The following APBA1 variants were observed in gnomAD, a reference collection of about 807,000 sequenced individuals.
APBA1 encodes amyloid beta precursor protein binding family A member 1, also known as amyloid-beta A4 precursor protein-binding family A member 1.
Under a neutral mutation model 86.6 loss-of-function variants are expected in APBA1, and 55 were observed. That is an observed-to-expected ratio of 0.64 (90% CI 0.51 to 0.80). The LOEUF (loss-of-function observed/expected upper bound fraction) is 0.80. Ranked by LOEUF, APBA1 falls within the 30% of genes least tolerant of loss-of-function variation. The pLI is 0.00. For missense variants in APBA1, 1,090 were observed against 1,183.0 expected (o/e 0.92, Z 1.15); for synonymous variants, 511 against 493.9 (o/e 1.03, Z -0.46).
chr9:69,497,101 CTCT>C (rs1295061912), intron 2 of APBA1, among the ~76,000 whole-genome samples: 2 of 152,048 alleles, frequency 1.3e-5, no homozygotes, highest in African/African-American at 2.4e-5. Context: ...CTTTCTCTGG[CTCT>C]TCTGTTTTTA....
intron 8 of APBA1, among the ~76,000 whole-genome samples, chr9:69,452,880 C>T (rs1040414497): frequency 9.2e-5 from 14 of 152,260 alleles, no homozygotes; most frequent in African/African-American, 3.4e-4. Context: ...CGATAAATCA[C>T]ATCCCTATCA....
intron 10 of APBA1, 103 bp from the exon 11 acceptor site, chr9:69,441,218 C>T (rs868729488): frequency 2.1e-6 from 3 of 1,405,486 alleles, no homozygotes; most frequent in Non-Finnish European, 1.9e-6. Flanking sequence ...CTGAGTCTTC[C>T]GAAGGACCCA....
intron 6 of APBA1, among the ~76,000 whole-genome samples, chr9:69,457,464 T>C (rs1490956911): frequency 6.6e-6 from 1 of 152,168 alleles, no homozygotes; most frequent in African/African-American, 2.4e-5. Flanking sequence ...GCCCAACAGA[T>C]TGAAGAAATA....
At chr9:69,510,082 A>G (rs1836006004) in intron 2 of APBA1, among the ~76,000 whole-genome samples, 1 of 109,336 alleles carries the variant, frequency 9.1e-6, no homozygotes, top group Non-Finnish European at 1.8e-5. Flanking sequence ...GCAATTAGGC[A>G]GGAGAAGGAA....
intron 6 of APBA1, 129 bp from the exon 7 acceptor site, chr9:69,457,268 T>C: frequency 1.5e-6 from 1 of 670,400 alleles, no homozygotes; most frequent in Non-Finnish European, 2.7e-6. Context: ...GACTCTAGGG[T>C]TAAACTGCCA....
chr9:69,467,353 A>G (rs906003487), intron 5 of APBA1, among the ~76,000 whole-genome samples: 1 of 152,200 alleles, frequency 6.6e-6, no homozygotes, highest in African/African-American at 2.4e-5. Context: ...GTTAGATTTG[A>G]TCAAAGGGTT....
At chr9:69,550,979 AATAC>A (rs890112497) in intron 1 of APBA1, among the ~76,000 whole-genome samples, 67 of 152,346 alleles carry the variant, frequency 4.4e-4, no homozygotes, top group Admixed American at 2.9e-3. Flanking sequence ...ATATACATAA[AATAC>A]ATACATTATA....
rs532685306 is a variant in APBA1, at chr9:69,596,614, C to A, written c.-70+75539G>T. Among the ~76,000 whole-genome samples, 5 of 152,304 alleles carry A rather than the reference C, an allele frequency of 3.3e-5. No homozygotes were observed. The South Asian group carries it at 1.0e-3, about 32-fold the overall frequency. ...CATGTTATTAATAGAAAGAAGGGTGCACATCATCCTTTAAGAAGACACCCC... is the reference window on the plus strand; with the variant it reads ...CATGTTATTAATAGAAAGAAGGGTGAACATCATCCTTTAAGAAGACACCCC... On this transcript the variant is annotated intron_variant, in intron 1 of 12. Transcript: ENST00000265381.
intron 2 of APBA1, among the ~76,000 whole-genome samples, chr9:69,514,351 G>A (rs543049614): frequency 7.2e-5 from 11 of 152,262 alleles, no homozygotes; most frequent in African/African-American, 2.6e-4. Flanking sequence ...AGCACTTTGG[G>A]AAGCCAAGGC....
chr9:69,488,460 T>C (rs1287161781), intron 2 of APBA1, among the ~76,000 whole-genome samples: 2 of 152,294 alleles, frequency 1.3e-5, no homozygotes, highest in Non-Finnish European at 2.9e-5. Context: ...GTTATATTTA[T>C]ATTTTTTAGT....
intron 10 of APBA1, among the ~76,000 whole-genome samples, chr9:69,446,890 C>T (rs187561162): frequency 7.9e-5 from 12 of 152,352 alleles, no homozygotes; most frequent in African/African-American, 2.6e-4. Context: ...GGCCCCATCC[C>T]CACCTTTACT....
intron 2 of APBA1, among the ~76,000 whole-genome samples, chr9:69,505,663 T>G (rs1835947349): frequency 6.6e-6 from 1 of 152,140 alleles, no homozygotes; most frequent in Non-Finnish European, 1.5e-5. Flanking sequence ...GAGTCTACTG[T>G]GACTCTGTTC....
chr9:69,515,608 T>G (rs1293440503), intron 2 of APBA1, among the ~76,000 whole-genome samples: 1 of 150,650 alleles, frequency 6.6e-6, no homozygotes, highest in African/African-American at 2.5e-5. Context: ...AAGTCTCTCC[T>G]TCCTCAAGCA....
chr9:69,633,415 G>A (rs1291160524), intron 1 of APBA1, among the ~76,000 whole-genome samples: 2 of 152,148 alleles, frequency 1.3e-5, no homozygotes, highest in Non-Finnish European at 2.9e-5. Context: ...TAAGCAGAAA[G>A]CAGCAGTTGA....
chr9:69,658,262 T>C (rs895704636), intron 1 of APBA1, among the ~76,000 whole-genome samples: 8 of 75,678 alleles, frequency 1.1e-4, no homozygotes, highest in South Asian at 6.4e-4. Flanking sequence ...CTTTCTTTCT[T>C]TCTTTCTTTC....
chr9:69,668,521 T>G (rs142559090), intron 1 of APBA1, among the ~76,000 whole-genome samples: 2 of 152,172 alleles, frequency 1.3e-5, no homozygotes, highest in African/African-American at 4.8e-5. Context: ...CCTTTTCCCA[T>G]GTCATTCCAT....
At chr9:69,493,128 A>C (rs1045509921) in intron 2 of APBA1, among the ~76,000 whole-genome samples, 3 of 152,040 alleles carry the variant, frequency 2.0e-5, no homozygotes, top group Admixed American at 6.5e-5. Flanking sequence ...CCTCATTTAA[A>C]ATGCAGGTTT....
In APBA1 at chr9:69,516,400, C is replaced by T. The variant is rs1292218177; in HGVS notation, c.811G>A (p.Asp271Asn). Residue 271 changes from aspartate to asparagine, a missense_variant, in exon 2 of 13, where the codon GAC becomes AAC. By Grantham distance (23) the Asp-to-Asn change is conservative (BLOSUM62 1). Coordinates refer to ENST00000265381, the MANE Select transcript of APBA1 (RefSeq NM_001163.4). The surrounding 1 kb of genome is among the most constrained non-coding windows in gnomAD (Gnocchi z 7.3). ...TGCTTCACCTCGGCCACTATCTGGT[C>T]GATGTCCTCCTCCTGCTCGTAGCTG... The part of the protein sequence containing the change: ...MDSYEQEEDI[D>N]QIVAEVKQSM... 3.7e-6 allele frequency: 6 copies of T among 1,604,292 alleles called. No homozygotes were observed. Among genetic ancestry groups the T allele is most frequent in the East Asian group, 2.2e-5 (1 of 44,680 alleles).
intron 1 of APBA1, among the ~76,000 whole-genome samples, chr9:69,625,252 CAA>C (rs1474335554): frequency 6.6e-6 from 1 of 152,144 alleles, no homozygotes. Flanking sequence ...GATCTTTGTT[CAA>C]AGTCTGTATA....
Sources: allele counts gnomAD v4.1 joint callset (sites outside exome capture counted in the v4.1 genomes callset), GRCh38; gene constraint gnomAD v4.1.1; non-coding constraint Gnocchi (gnomAD v3.1); transcripts MANE v1.5; gene names NCBI Gene and HGNC (gene_info 2026-07-23, HGNC 2026-07-21).